The following BRSK1 variants were observed in gnomAD, a reference collection of about 807,000 sequenced individuals.
BRSK1 encodes the protein BR serine/threonine kinase 1.
Under a neutral mutation model 86.2 loss-of-function variants are expected in BRSK1, and 17 were observed. The observed-to-expected ratio is 0.20, with a 90% CI of 0.14 to 0.30. BRSK1 has a LOEUF of 0.30. BRSK1 is among the 10% of genes least tolerant of loss of function. The pLI is 1.00. For synonymous variants in BRSK1, 464 were observed against 440.1 expected (o/e 1.05, Z -0.68); for missense variants, 719 against 1,071.9 (o/e 0.67, Z 4.60).
Position 55,287,249 on chromosome 19 carries a change from A to G in BRSK1, c.267A>G (p.Glu89=), listed in dbSNP as rs544837132. The change falls in exon 3 of 19, where the codon GAA becomes GAG. Residue 89 remains glutamate (E), a synonymous_variant. Coordinates refer to ENST00000309383, the MANE Select transcript of BRSK1 (RefSeq NM_032430.2). This position sits in a 1 kb window ranked among gnomAD's most constrained non-coding sequence, Gnocchi z 5.3. The part of the protein sequence containing the change: ...EREIAILKLI[E]HPHVLKLHDV... The stretch of plus-strand genomic sequence containing the variant: ...AGATCGCCATCCTGAAGCTCATCGA[A>G]CACCCACATGTCCTCAAGCTCCACG... The G allele has an allele frequency of 7.0e-4, 1,123 of 1,614,040 alleles. 9 individuals are homozygous for G. In the South Asian group the frequency reaches 0.012, roughly 17 times the overall value.
chr19:55,289,476 T>A lies in BRSK1; in HGVS notation c.318-4T>A, dbSNP rs2088372127. On this transcript the variant is annotated splice_polypyrimidine_tract_variant and splice_region_variant and intron_variant, in intron 3 of 18. Coordinates refer to ENST00000309383, the MANE Select transcript of BRSK1 (RefSeq NM_032430.2). ...CAGCCCTCTGCCCCCTCTATATCCTTTAGGTACCTGGTTCTGGAGCACGTC... is the reference window on the plus strand; with the variant it reads ...CAGCCCTCTGCCCCCTCTATATCCTATAGGTACCTGGTTCTGGAGCACGTC... The A allele has an allele frequency of 1.2e-6, 2 of 1,611,098 alleles. No homozygotes were observed. The highest frequency in any genetic ancestry group is 1.7e-6 in the Non-Finnish European group (2 of 1,178,546).
In BRSK1 at chr19:55,287,157, C is replaced by A; in HGVS notation, c.231+56C>A. On this transcript the variant is annotated intron_variant, in intron 2 of 18. Coordinates refer to ENST00000309383, the MANE Select transcript of BRSK1 (RefSeq NM_032430.2). The surrounding 1 kb of genome is among the most constrained non-coding windows in gnomAD (Gnocchi z 5.3). ...GTGGGGGGGCCTCCGGGGCTGAGGG[C>A]AGGGGCGGGGCCGTGCTGACCTCTT... The A allele has an allele frequency of 6.2e-7, 1 of 1,608,970 alleles. No individual in the cohort carries two copies. Among genetic ancestry groups the A allele is most frequent in the Non-Finnish European group, 8.5e-7 (1 of 1,175,720 alleles).
At chr19:55,296,613 G>C (rs879778269) in intron 7 of BRSK1, among the ~76,000 whole-genome samples, 4 of 152,120 alleles carry the variant, frequency 2.6e-5, no homozygotes, top group Admixed American at 1.3e-4. Flanking sequence ...TTGGGAGGCC[G>C]AGGTGGGCGG....
At chr19:55,284,869 T>TTC in intron 1 of BRSK1, among the ~76,000 whole-genome samples, 1 of 143,268 alleles carries the variant, frequency 7.0e-6, no homozygotes, top group Non-Finnish European at 1.5e-5. Flanking sequence ...CCTGGACTCC[T>TTC]GGGTTTCAGG....
intron 1 of BRSK1, 50 bp downstream of exon 1, chr19:55,284,628 G>A: frequency 7.9e-7 from 1 of 1,260,532 alleles, no homozygotes; most frequent in Non-Finnish European, 1.0e-6. Context: ...GGTGGAGGTG[G>A]CGGCAGAGGC....
At position 55,284,441 on chromosome 19, in the gene BRSK1, C is replaced by T. The variant is rs1296434133; in HGVS notation, c.-2C>T. On this transcript the variant is annotated 5_prime_UTR_variant, in exon 1 of 19. Transcript: ENST00000309383. ...ACCGGTCGGGCCGGGACCAAGGGCA[C>T]CATGTCGTCCGGGGCCAAGGAGGGA... 3.9e-6 allele frequency: 5 copies of T among 1,278,980 alleles called. No homozygotes were observed. Among genetic ancestry groups the T allele is most frequent in the Non-Finnish European group, 5.1e-6 (5 of 989,958 alleles). The allele number at this position is 1,278,980 out of a possible 1,614,324, so 79.2% of individuals were successfully genotyped here.
chr19:55,309,387 G>A (rs1362662169), intron 18 of BRSK1, among the ~76,000 whole-genome samples: 1 of 152,196 alleles, frequency 6.6e-6, no homozygotes, highest in Non-Finnish European at 1.5e-5. Context: ...AGGGTTTGTT[G>A]CAAAGGTGTC....
rs1259515598 is a variant in BRSK1, at chr19:55,306,199, G to T, written c.1891-53G>T. On this transcript the variant is annotated intron_variant, in intron 16 of 18. Transcript: ENST00000309383. The surrounding 1 kb of genome is among the most constrained non-coding windows in gnomAD (Gnocchi z 4.7). ...TTCCTTGGCCAGAGCTGGTCGTGGG[G>T]CTGGGTATCCATTTCCTGGGCTCAC... 16 of 1,587,088 alleles carry T rather than the reference G, an allele frequency of 1.0e-5. No homozygotes were observed. The highest frequency in any genetic ancestry group is 2.7e-5 in the African/African-American group (2 of 74,584).
At chr19:55,298,209 C>CTTTTTTTTTTTTTTTTTTTTTTTTTT (rs71181751) in intron 7 of BRSK1, among the ~76,000 whole-genome samples, 3 of 69,622 alleles carry the variant, frequency 4.3e-5, no homozygotes, top group Non-Finnish European at 7.8e-5. Flanking sequence ...TTTGTTTCTT[C>CTTTTTTTTTTTTTTTTTTTTTTTTTT]TTTTTTTTTT....
At chr19:55,308,568 T>A in intron 17 of BRSK1, 71 bp from the exon 18 acceptor site, 1 of 1,135,318 alleles carries the variant, frequency 8.8e-7, no homozygotes, top group South Asian at 1.2e-5. Context: ...GGGACTGGGT[T>A]CTGCAGGCTG....
At chr19:55,309,588 G>T (rs1015890689) in intron 18 of BRSK1, among the ~76,000 whole-genome samples, 2 of 152,166 alleles carry the variant, frequency 1.3e-5, no homozygotes, top group African/African-American at 2.4e-5. Flanking sequence ...GGCAGAAGGG[G>T]CAAGGGAACT....
intron 14 of BRSK1, 106 bp downstream of exon 14, chr19:55,305,026 G>A: frequency 1.3e-6 from 2 of 1,500,572 alleles, no homozygotes; most frequent in African/African-American, 1.4e-5. Context: ...GGGACTGGGG[G>A]CCTGGATTCC....
At chr19:55,307,365 C>T (rs892045338) in intron 17 of BRSK1, among the ~76,000 whole-genome samples, 2 of 151,838 alleles carry the variant, frequency 1.3e-5, no homozygotes, top group South Asian at 2.1e-4. Context: ...GCCTGGCCAA[C>T]ATGGTGAAAC....
Position 55,284,492 on chromosome 19 carries a change from T to TCCCCCCCCCC in BRSK1, c.55_56insCCCCCCCCCC (p.His19ProfsTer34). Reference sequence around the variant, plus strand: ...GGTGGGGGCTCTCCCGCCTACCACCTCCCCCACCCCCACCCCCACCCACCC... The same window carrying TCCCCCCCCCC: ...GGTGGGGGCTCTCCCGCCTACCACCTCCCCCCCCCCCCCCCACCCCCACCCCCACCCACCC... On this transcript the variant is annotated frameshift_variant, in exon 1 of 19. Transcript: ENST00000309383. LOFTEE classifies it high-confidence loss of function. 2 of 776,246 alleles carry TCCCCCCCCCC rather than the reference T, an allele frequency of 2.6e-6. No individual in the cohort carries two copies. The highest frequency in any genetic ancestry group is 3.7e-6 in the Non-Finnish European group (2 of 546,156). 48.1% of individuals were successfully genotyped at this position (776,246 alleles called of 1,614,324 possible). A position where few individuals can be genotyped will look rare whatever the true frequency, so the allele number is the denominator to read the frequency against.
chr19:55,309,006 C>A (rs1012996407), intron 18 of BRSK1, among the ~76,000 whole-genome samples: 1 of 151,998 alleles, frequency 6.6e-6, no homozygotes, highest in Admixed American at 6.6e-5. Context: ...TCCTTAGCAA[C>A]CTGAGGACTG....
In BRSK1 at chr19:55,303,169, C is replaced by T. The variant is rs1385961039; in HGVS notation, c.1029-142C>T. ...AACACAGCTGAGATGTACCCTAAAC[C>T]AGAGAAACTGACCATACTGATACCT... On this transcript the variant is annotated intron_variant, in intron 10 of 18. Transcript: ENST00000309383. This position sits in a 1 kb window ranked among gnomAD's most constrained non-coding sequence, Gnocchi z 5.1. 8 of 697,554 alleles carry T rather than the reference C, an allele frequency of 1.1e-5. No homozygotes were observed. The highest frequency in any genetic ancestry group is 1.7e-5 in the Non-Finnish European group (7 of 412,424). 43.2% of individuals were successfully genotyped at this position (697,554 alleles called of 1,614,324 possible).
In BRSK1 at chr19:55,310,030, T is replaced by C. The variant is rs2088748292; in HGVS notation, c.2179+1302T>C. The stretch of plus-strand genomic sequence containing the variant: ...CCAGGAGCCAGGGCAGCTTTGGCCT[T>C]GTCACCAGAAACTCTGAGTCCCAGG... On this transcript the variant is annotated intron_variant, in intron 18 of 18. Transcript: ENST00000309383. This position sits in a 1 kb window ranked among gnomAD's most constrained non-coding sequence, Gnocchi z 5.0. Among the ~76,000 whole-genome samples, 1 of 152,196 alleles carries C rather than the reference T, an allele frequency of 6.6e-6. No homozygotes were observed. Among genetic ancestry groups the C allele is most frequent in the Admixed American group, 6.5e-5 (1 of 15,280 alleles).
At chr19:55,293,360 G>A (rs960348397) in intron 4 of BRSK1, among the ~76,000 whole-genome samples, 19 of 152,074 alleles carry the variant, frequency 1.2e-4, no homozygotes, top group Non-Finnish European at 2.6e-4. Flanking sequence ...AAATTAGCTG[G>A]GTGTGGTGGC....
At chr19:55,292,814 A>G (rs1343694853) in intron 4 of BRSK1, among the ~76,000 whole-genome samples, 1 of 150,208 alleles carries the variant, frequency 6.7e-6, no homozygotes, top group Non-Finnish European at 1.5e-5. Context: ...AGCCTGGTCG[A>G]CAGAGTGAGA....
Sources: gnomAD v4.1 joint callset for allele counts (sites outside exome capture counted in the v4.1 genomes callset) on GRCh38, gnomAD v4.1.1 for gene constraint, Gnocchi (gnomAD v3.1) non-coding constraint, MANE v1.5 for transcripts, NCBI Gene and HGNC (gene_info 2026-07-23, HGNC 2026-07-21) for gene names.